GALM: variants seen among roughly 807,000 people sequenced by gnomAD.
The protein encoded by GALM is aldose 1-epimerase.
GALM carries 43 observed loss-of-function variants against 37.4 expected under a neutral mutation model. The observed-to-expected ratio is 1.15, with a 90% CI of 0.90 to 1.48. The LOEUF (loss-of-function observed/expected upper bound fraction) is 1.48, where lower values mean the gene tolerates loss of function less well. Among genes scored for constraint, GALM ranks in the 40% most tolerant of loss-of-function variants. GALM has a pLI of 0.00. For synonymous variants in GALM, 199 were observed against 170.6 expected (o/e 1.17, Z -1.30); for missense variants, 456 against 419.1 (o/e 1.09, Z -0.77).
chr2:38,684,390 G>C (rs1043734304), intron 3 of GALM, among the ~76,000 whole-genome samples: 7 of 151,474 alleles, frequency 4.6e-5, no homozygotes, highest in African/African-American at 1.7e-4. Flanking sequence ...TTTACCTAAA[G>C]ACCTGGGTGT....
chr2:38,692,790 G>A (rs1045895847), intron 4 of GALM, among the ~76,000 whole-genome samples: 1 of 152,198 alleles, frequency 6.6e-6, no homozygotes, highest in Non-Finnish European at 1.5e-5. Flanking sequence ...GAGGAAATGA[G>A]AGTTAAATAA....
At chr2:38,692,848 G>A (rs1164849416) in intron 4 of GALM, among the ~76,000 whole-genome samples, 3 of 152,198 alleles carry the variant, frequency 2.0e-5, no homozygotes, top group East Asian at 1.9e-4. Flanking sequence ...GGAGGAGAAA[G>A]GTGTTCCAGA....
chr2:38,719,475 A>G (rs563432385), intron 4 of GALM, among the ~76,000 whole-genome samples: 21 of 145,834 alleles, frequency 1.4e-4, no homozygotes, highest in Admixed American at 4.8e-4. Context: ...TCTCAAAAAA[A>G]AAAAAAATTA....
At chr2:38,703,025 G>A (rs1665949542) in intron 4 of GALM, among the ~76,000 whole-genome samples, 1 of 111,620 alleles carries the variant, frequency 9.0e-6, no homozygotes, top group Admixed American at 1.0e-4. Context: ...AGGAGGCTGG[G>A]AGGCTGAGGT....
At chr2:38,715,739 C>A (rs757242735) in intron 4 of GALM, among the ~76,000 whole-genome samples, 2 of 152,170 alleles carry the variant, frequency 1.3e-5, no homozygotes, top group Non-Finnish European at 2.9e-5. Context: ...GGCCTGCAAT[C>A]GAGTTTTCCT....
chr2:38,672,878 C>T (rs113050919), intron 1 of GALM, among the ~76,000 whole-genome samples: 6,047 of 151,780 alleles, frequency 0.04, 403 homozygotes, highest in African/African-American at 0.14. Context: ...GGCTTGGTGG[C>T]GGGCACCTGT....
intron 4 of GALM, among the ~76,000 whole-genome samples, chr2:38,696,807 T>TTTTTTG (rs1665817155): frequency 6.9e-6 from 1 of 144,796 alleles, no homozygotes; most frequent in African/African-American, 2.6e-5. Flanking sequence ...TTTTTTTTTT[T>TTTTTTG]GAGACAGAGT....
chr2:38,724,334 A>G (rs1449291553), intron 4 of GALM, among the ~76,000 whole-genome samples: 1 of 152,212 alleles, frequency 6.6e-6, no homozygotes, highest in Non-Finnish European at 1.5e-5. Context: ...AGTCTATTCT[A>G]AGTATAATGA....
chr2:38,719,992 A>G (rs1463125614), intron 4 of GALM, among the ~76,000 whole-genome samples: 1 of 151,880 alleles, frequency 6.6e-6, no homozygotes, highest in Non-Finnish European at 1.5e-5. Context: ...GCTTGAGCCT[A>G]GGAGTTTGAG....
intron 4 of GALM, among the ~76,000 whole-genome samples, chr2:38,706,283 G>A (rs1455091330): frequency 3.3e-5 from 5 of 151,690 alleles, no homozygotes; most frequent in African/African-American, 9.7e-5. Flanking sequence ...GATTACAGGC[G>A]TGAGCCACCA....
chr2:38,671,539 C>A (rs13019170), intron 1 of GALM: 27,839 of 152,142 alleles, frequency 0.18, 3,190 homozygotes, highest in East Asian at 0.53. Context: ...AACCGCCCCC[C>A]TGATCCAATT....
intron 4 of GALM, among the ~76,000 whole-genome samples, chr2:38,725,868 C>A (rs369191040): frequency 6.6e-6 from 1 of 151,936 alleles, no homozygotes; most frequent in East Asian, 1.9e-4. Context: ...TGCGCCACCA[C>A]GCCTGGCTAA....
chr2:38,700,025 C>G (rs953673687), intron 4 of GALM, among the ~76,000 whole-genome samples: 1 of 152,100 alleles, frequency 6.6e-6, no homozygotes, highest in African/African-American at 2.4e-5. Flanking sequence ...GATCTTGACT[C>G]ACTGCAACCT....
chr2:38,705,126 A>G (rs765183254), intron 4 of GALM, among the ~76,000 whole-genome samples: 1 of 152,198 alleles, frequency 6.6e-6, no homozygotes, highest in Non-Finnish European at 1.5e-5. Context: ...ATTATTTGCT[A>G]GAGCTCTGAC....
In GALM at chr2:38,681,586, G is replaced by A; in HGVS notation, c.552+100G>A. 2 of 984,000 alleles carry A rather than the reference G, an allele frequency of 2.0e-6. 1 individual carries two copies. The highest frequency in any genetic ancestry group is 5.3e-4 in the Middle Eastern group (2 of 3,776). 61.0% of individuals were successfully genotyped at this position (984,000 alleles called of 1,614,324 possible). On this transcript the variant is annotated intron_variant, in intron 3 of 6. Transcript: ENST00000272252. ...TAGTGTGGAATTGCTGTGGCAGTGA[G>A]GTCACCCTCATGATGATGAAAAGGG...
Position 38,694,402 on chromosome 2 carries a change from G to C in GALM, c.634+4508G>C, listed in dbSNP as rs181288878. On this transcript the variant is annotated intron_variant, in intron 4 of 6. Coordinates refer to ENST00000272252, the MANE Select transcript of GALM (RefSeq NM_138801.3). ...AGGGAGCCTCCCCAGTCCTCTCACT[G>C]TCTCCTCCTTGTTCCTTCCTCCCTT... 2.2e-3 allele frequency among the ~76,000 whole-genome samples: 329 copies of C among 152,140 alleles called. 1 individual carries two copies. Among genetic ancestry groups the C allele is most frequent in the African/African-American group, 7.2e-3 (297 of 41,518 alleles).
rs1029444523 is a variant in GALM at position 38,698,781 on chromosome 2, T to C, written c.634+8887T>C. Among the ~76,000 whole-genome samples the C allele has an allele frequency of 5.5e-4, 83 of 152,144 alleles. 1 individual carries two copies. The highest frequency in any genetic ancestry group is 1.2e-3 in the Admixed American group (18 of 15,268). On this transcript the variant is annotated intron_variant, in intron 4 of 6. Transcript: ENST00000272252. ...GCTTTGTCAGACATTTGTTTATATA[T>C]TGTTTGTTTTTGAGATGGGGTCTCA... is the stretch of plus-strand genomic sequence containing the variant.
intron 1 of GALM, among the ~76,000 whole-genome samples, chr2:38,672,916 A>G (rs528893436): frequency 6.6e-6 from 1 of 152,172 alleles, no homozygotes; most frequent in East Asian, 1.9e-4. Flanking sequence ...AGGCTGAGGC[A>G]GGAGAACTGC....
chr2:38,718,189 T>C (rs1666306892), intron 4 of GALM, among the ~76,000 whole-genome samples: 1 of 105,986 alleles, frequency 9.4e-6, no homozygotes. Flanking sequence ...ATTTCTTTTT[T>C]TCTTTTCTTT....
Sources: allele counts gnomAD v4.1 joint callset (sites outside exome capture counted in the v4.1 genomes callset), GRCh38; gene constraint gnomAD v4.1.1; transcripts MANE v1.5; gene names NCBI Gene and HGNC (gene_info 2026-07-23, HGNC 2026-07-21).